Variants in OSBP2 observed in about 807,000 individuals in gnomAD.
OSBP2 encodes the protein oxysterol-binding protein 2.
OSBP2 carries 66 observed loss-of-function variants against 96.0 expected under a neutral mutation model. The observed-to-expected ratio is 0.69, with a 90% CI of 0.56 to 0.84. The LOEUF (loss-of-function observed/expected upper bound fraction) is 0.84, where lower values mean the gene tolerates loss of function less well. Among genes scored for constraint, OSBP2 ranks in the 40% least tolerant of loss-of-function variants. The probability of loss-of-function intolerance (pLI) is 0.00; values close to 1 mark genes in which losing one functional copy is unlikely to be tolerated. For missense variants in OSBP2, 1,038 were observed against 1,222.7 expected (o/e 0.85, Z 2.25); for synonymous variants, 525 against 520.9 (o/e 1.01, Z -0.11).
intron 2 of OSBP2, among the ~76,000 whole-genome samples, chr22:30,787,219 T>G (rs550784645): frequency 2.6e-5 from 4 of 152,026 alleles, no homozygotes; most frequent in Non-Finnish European, 4.4e-5. Flanking sequence ...CACAGTTGAG[T>G]ATGGCTGGGG....
intron 2 of OSBP2, among the ~76,000 whole-genome samples, chr22:30,742,666 C>A (rs376827617): frequency 6.6e-6 from 1 of 152,180 alleles, no homozygotes; most frequent in East Asian, 1.9e-4. Context: ...TGTAAAAAGC[C>A]TCCTCCTTGT....
At chr22:30,775,579 A>T (rs1355151751) in intron 2 of OSBP2, among the ~76,000 whole-genome samples, 1 of 152,150 alleles carries the variant, frequency 6.6e-6, no homozygotes, top group African/African-American at 2.4e-5. Context: ...AGATCGCACC[A>T]CTTCACTCCA....
Position 30,718,894 on chromosome 22 carries a change from T to C in OSBP2, c.645-22267T>C, listed in dbSNP as rs559552769. Among the ~76,000 whole-genome samples, 4 of 152,318 alleles carry C rather than the reference T, an allele frequency of 2.6e-5. No individual in the cohort carries two copies. The East Asian group carries it at 7.7e-4, about 29-fold the overall frequency. ...CCTTGCGGGCAGACTGAGTGGGGAC[T>C]TTTTGCTGAGTTGTTCATGCACTGT... On this transcript the variant is annotated intron_variant, in intron 1 of 13. Coordinates refer to ENST00000332585, the MANE Select transcript of OSBP2 (RefSeq NM_030758.4).
In OSBP2 at chr22:30,789,901, A is replaced by G. The variant is rs150719185; in HGVS notation, c.853+48532A>G. Reference sequence around the variant, plus strand: ...TTGTTCCCATTTTAGATCACAGTTTAATTTTATTTTGTGCCATGCTCTTTG... The same window carrying G: ...TTGTTCCCATTTTAGATCACAGTTTGATTTTATTTTGTGCCATGCTCTTTG... On this transcript the variant is annotated intron_variant, in intron 2 of 13. Transcript: ENST00000332585. 1.7e-3 allele frequency among the ~76,000 whole-genome samples: 253 copies of G among 152,242 alleles called. 1 individual carries two copies. The highest frequency in any genetic ancestry group is 3.4e-3 in the Middle Eastern group (1 of 294).
chr22:30,805,819 G>A (rs136258), intron 2 of OSBP2, among the ~76,000 whole-genome samples: 23,012 of 152,120 alleles, frequency 0.15, 1,785 homozygotes, highest in African/African-American at 0.19. Flanking sequence ...TGGGTAAAAG[G>A]ACAAAGGAAA....
At chr22:30,866,208 G>A (rs988372503) in intron 2 of OSBP2, among the ~76,000 whole-genome samples, 3 of 152,286 alleles carry the variant, frequency 2.0e-5, no homozygotes, top group South Asian at 2.1e-4. Context: ...TTTGAGATGC[G>A]GATTCTCCTG....
intron 3 of OSBP2, chr22:30,872,641 C>T (rs1363704842): frequency 2.8e-6 from 1 of 351,802 alleles, no homozygotes; most frequent in African/African-American, 2.1e-5. Flanking sequence ...TCTGCCAAAC[C>T]TGCTGGTGTT....
chr22:30,867,908 G>T (rs993379239), intron 2 of OSBP2, among the ~76,000 whole-genome samples: 6 of 152,178 alleles, frequency 3.9e-5, no homozygotes, highest in African/African-American at 1.4e-4. Context: ...TTGAGCCGGG[G>T]GCCATTCTGA....
chr22:30,755,227 CGCTTAG>C (rs1487564466), intron 2 of OSBP2, among the ~76,000 whole-genome samples: 1 of 152,176 alleles, frequency 6.6e-6, no homozygotes, highest in East Asian at 1.9e-4. Context: ...CCCACAGGGG[CGCTTAG>C]AGCAGAGTGG....
At chr22:30,732,125 GA>G (rs2089789866) in intron 1 of OSBP2, among the ~76,000 whole-genome samples, 1 of 152,094 alleles carries the variant, frequency 6.6e-6, no homozygotes, top group South Asian at 2.1e-4. Context: ...CTAACATGGT[GA>G]AACCCCATCT....
chr22:30,711,895 G>T (rs1021783264), intron 1 of OSBP2, among the ~76,000 whole-genome samples: 1 of 152,030 alleles, frequency 6.6e-6, no homozygotes, highest in Non-Finnish European at 1.5e-5. Context: ...CTCAAAGCTG[G>T]TTTGATGACA....
At chr22:30,802,177 G>C (rs531310378) in intron 2 of OSBP2, among the ~76,000 whole-genome samples, 21 of 152,286 alleles carry the variant, frequency 1.4e-4, no homozygotes, top group African/African-American at 5.1e-4. Context: ...TCATGTTGCT[G>C]GTCTGTGGCA....
rs1439777859 is a variant in OSBP2, at chr22:30,890,987, G to A, written c.1869+14G>A. 6.3e-7 allele frequency: 1 copy of A among 1,599,726 alleles called. No individual in the cohort carries two copies. The highest frequency in any genetic ancestry group is 1.1e-5 in the South Asian group (1 of 90,898). On this transcript the variant is annotated intron_variant, in intron 8 of 13. Coordinates refer to ENST00000332585, the MANE Select transcript of OSBP2 (RefSeq NM_030758.4). The surrounding 1 kb of genome is among the most constrained non-coding windows in gnomAD (Gnocchi z 4.4). The stretch of plus-strand genomic sequence containing the variant: ...CTCTGTGAGCAGGTGAGGGGGCTAG[G>A]CTGGCACTGGGTGGCGCCCACCCAC...
At chr22:30,785,922 C>T (rs893571008) in intron 2 of OSBP2, among the ~76,000 whole-genome samples, 2 of 152,138 alleles carry the variant, frequency 1.3e-5, no homozygotes, top group Non-Finnish European at 2.9e-5. Context: ...CCTCCTCAGC[C>T]ATGCAGAACT....
At position 30,872,165 on chromosome 22, in the gene OSBP2, A is replaced by G. The variant is rs1219839586; in HGVS notation, c.1107+1483A>G. 4 of 451,198 alleles carry G rather than the reference A, an allele frequency of 8.9e-6. No homozygotes were observed. In the East Asian group the frequency reaches 2.1e-4, roughly 24 times the overall value. 27.9% of individuals were successfully genotyped at this position (451,198 alleles called of 1,614,324 possible). ...GCGTGTTGGCCCCATTGTCACCTGCACTGTTTTCCTACATCCACCCTCTCA... is the reference window on the plus strand; with the variant it reads ...GCGTGTTGGCCCCATTGTCACCTGCGCTGTTTTCCTACATCCACCCTCTCA... On this transcript the variant is annotated intron_variant, in intron 3 of 13. Transcript: ENST00000332585.
At chr22:30,781,149 T>TC (rs1272883906) in intron 2 of OSBP2, among the ~76,000 whole-genome samples, 1 of 151,122 alleles carries the variant, frequency 6.6e-6, no homozygotes, top group East Asian at 2.0e-4. Flanking sequence ...CTAATTTTTT[T>TC]TTTTTTTTTT....
intron 2 of OSBP2, among the ~76,000 whole-genome samples, chr22:30,826,520 G>A (rs1474519862): frequency 6.6e-6 from 1 of 152,146 alleles, no homozygotes; most frequent in Non-Finnish European, 1.5e-5. Context: ...ACCTCCCAAG[G>A]CTGGAGGTGC....
chr22:30,859,299 A>G (rs1206057312), intron 2 of OSBP2, among the ~76,000 whole-genome samples: 4 of 152,206 alleles, frequency 2.6e-5, no homozygotes, highest in African/African-American at 9.7e-5. Flanking sequence ...AGTGTGGGTC[A>G]CCAAATACTC....
chr22:30,875,592 G>A (rs963241228), intron 3 of OSBP2, among the ~76,000 whole-genome samples: 17 of 152,228 alleles, frequency 1.1e-4, no homozygotes, highest in Non-Finnish European at 1.2e-4. Context: ...GGCTGGTCTC[G>A]AACTCCCGAC....
Sources: gnomAD v4.1 joint callset for allele counts (sites outside exome capture counted in the v4.1 genomes callset) on GRCh38, gnomAD v4.1.1 for gene constraint, Gnocchi (gnomAD v3.1) non-coding constraint, MANE v1.5 for transcripts, NCBI Gene and HGNC (gene_info 2026-07-23, HGNC 2026-07-21) for gene names.